CATSPERT: variants seen among roughly 807,000 people sequenced by gnomAD.
The protein encoded by CATSPERT is cation channel sperm-associated targeting subunit tau.
chr2:201,594,591 T>C, the CATSPERT span, among the ~76,000 whole-genome samples: 1 of 152,184 alleles, frequency 6.6e-6, no homozygotes, highest in African/African-American at 2.4e-5. Context: ...CTTGGTTCCA[T>C]TCTCCCCGTC....
chr2:201,595,593 G>C, the CATSPERT span, among the ~76,000 whole-genome samples: 1 of 152,156 alleles, frequency 6.6e-6, no homozygotes, highest in African/African-American at 2.4e-5. Flanking sequence ...CTCCCAGTTA[G>C]GCTGCTCGGG....
chr2:201,490,331 G>A, the CATSPERT span, among the ~76,000 whole-genome samples: 1 of 152,180 alleles, frequency 6.6e-6, no homozygotes, highest in Non-Finnish European at 1.5e-5. Flanking sequence ...ACTGGCACAT[G>A]GGAGCTTCAT....
At chr2:201,589,471 C>A in the CATSPERT span, among the ~76,000 whole-genome samples, 1 of 152,158 alleles carries the variant, frequency 6.6e-6, no homozygotes, top group Non-Finnish European at 1.5e-5. Context: ...ACTATCTGAT[C>A]TTTGACAAAC....
chr2:201,601,509 C>A, the CATSPERT span, among the ~76,000 whole-genome samples: 26 of 152,020 alleles, frequency 1.7e-4, no homozygotes, highest in African/African-American at 5.6e-4. Context: ...ACAGTAACAT[C>A]TCAGGAAAGA....
chr2:201,559,402 C>G, the CATSPERT span, among the ~76,000 whole-genome samples: 1 of 152,150 alleles, frequency 6.6e-6, no homozygotes, highest in African/African-American at 2.4e-5. Flanking sequence ...GCAGCTGTGC[C>G]CCCACATCTC....
the CATSPERT span, among the ~76,000 whole-genome samples, chr2:201,517,218 CAA>C: frequency 6.6e-6 from 1 of 152,124 alleles, no homozygotes; most frequent in Non-Finnish European, 1.5e-5. Flanking sequence ...GAGCAACAAA[CAA>C]AGCACCGTTT....
At chr2:201,491,793 A>G in the CATSPERT span, 5 of 1,537,058 alleles carry the variant, frequency 3.3e-6, no homozygotes, top group Admixed American at 3.9e-5. Flanking sequence ...TTTCACACCA[A>G]GCTTTTGATT....
chr2:201,548,644 A>G, the CATSPERT span, among the ~76,000 whole-genome samples: 1 of 152,286 alleles, frequency 6.6e-6, no homozygotes, highest in African/African-American at 2.4e-5. Flanking sequence ...GATATAATTA[A>G]CAAGGATTAA....
chr2:201,603,773 T>C, the CATSPERT span, among the ~76,000 whole-genome samples: 132,416 of 152,222 alleles, frequency 0.87, 58,795 homozygotes, highest in South Asian at 0.98. Context: ...TTAAAGAAAA[T>C]TGCATCATGT....
chr2:201,609,843 A>G, the CATSPERT span, among the ~76,000 whole-genome samples: 2 of 152,150 alleles, frequency 1.3e-5, no homozygotes, highest in East Asian at 1.9e-4. Flanking sequence ...CAAAGATCAG[A>G]GCAGAAGTAA....
the CATSPERT span, among the ~76,000 whole-genome samples, chr2:201,596,750 C>T: frequency 6.6e-6 from 1 of 152,094 alleles, no homozygotes; most frequent in African/African-American, 2.4e-5. Flanking sequence ...TTACTGTTTC[C>T]AGAATGCTTT....
chr2:201,599,191 G>A, the CATSPERT span, among the ~76,000 whole-genome samples: 35 of 152,090 alleles, frequency 2.3e-4, 2 homozygotes, highest in East Asian at 6.6e-3. Context: ...ACCTCTCCAC[G>A]TTTTCATACA....
the CATSPERT span, among the ~76,000 whole-genome samples, chr2:201,582,436 A>C: frequency 6.6e-6 from 1 of 152,174 alleles, no homozygotes; most frequent in Non-Finnish European, 1.5e-5. Context: ...ATATATACTA[A>C]TATCAACAAA....
the CATSPERT span, among the ~76,000 whole-genome samples, chr2:201,517,917 C>A: frequency 6.6e-5 from 10 of 152,158 alleles, no homozygotes; most frequent in Non-Finnish European, 1.3e-4. Flanking sequence ...GTAATAGCTA[C>A]TTTTCAAAAA....
the CATSPERT span, chr2:201,537,608 A>C: frequency 3.0e-6 from 2 of 671,222 alleles, no homozygotes; most frequent in Non-Finnish European, 4.8e-6. Context: ...CAAAGCAGCT[A>C]TCCAAACATA....
At chr2:201,572,204 T>C in the CATSPERT span, among the ~76,000 whole-genome samples, 2 of 152,186 alleles carry the variant, frequency 1.3e-5, no homozygotes, top group African/African-American at 2.4e-5. Context: ...ATTTATTGGG[T>C]ACTAAATATT....
At chr2:201,515,993 G>A in the CATSPERT span, among the ~76,000 whole-genome samples, 2 of 152,202 alleles carry the variant, frequency 1.3e-5, no homozygotes, top group African/African-American at 2.4e-5. Flanking sequence ...ACTGAGAAAC[G>A]TGTTATCAGA....
chr2:201,536,033 T>G, the CATSPERT span: 1 of 1,613,092 alleles, frequency 6.2e-7, no homozygotes, highest in East Asian at 2.2e-5. Context: ...CTGATAGAGA[T>G]GAGTCTGCTT....
the CATSPERT span, among the ~76,000 whole-genome samples, chr2:201,617,363 T>C: frequency 6.6e-6 from 1 of 152,084 alleles, no homozygotes; most frequent in African/African-American, 2.4e-5. Context: ...AACAGAGATA[T>C]AGACCAATGG....
Sources: allele counts gnomAD v4.1 joint callset (sites outside exome capture counted in the v4.1 genomes callset), GRCh38; gene constraint gnomAD v4.1.1; transcripts MANE v1.5; gene names NCBI Gene and HGNC (gene_info 2026-07-23, HGNC 2026-07-21).